Variants in TTC21B observed in about 807,000 individuals in gnomAD.
TTC21B encodes the protein tetratricopeptide repeat protein 21B.
TTC21B carries 127 observed loss-of-function variants against 175.1 expected under a neutral mutation model. That is an observed-to-expected ratio of 0.73 (90% confidence interval 0.63 to 0.84). The LOEUF (loss-of-function observed/expected upper bound fraction) is 0.84, where lower values mean the gene tolerates loss of function less well. Ranked by LOEUF, TTC21B falls within the 40% of genes least tolerant of loss-of-function variation. The pLI is 0.00. For synonymous variants in TTC21B, 524 were observed against 524.5 expected, an observed-to-expected ratio of 1.00 and a Z score of 0.01; for missense variants, 1,561 against 1,558.3, an observed-to-expected ratio of 1.00 and a Z score of -0.03.
At chr2:165,950,149 AT>A (rs1553516745) in intron 1 of TTC21B, among the ~76,000 whole-genome samples, 1 of 151,966 alleles carries the variant, frequency 6.6e-6, no homozygotes, top group Non-Finnish European at 1.5e-5. Context: ...TCTTTTTAAA[AT>A]ATCCAGTATT....
intron 19 of TTC21B, among the ~76,000 whole-genome samples, chr2:165,905,005 C>T (rs991093193): frequency 2.0e-5 from 3 of 152,060 alleles, no homozygotes; most frequent in African/African-American, 4.8e-5. Flanking sequence ...TAGGCAAAAT[C>T]GCTTAAATGA....
intron 6 of TTC21B, among the ~76,000 whole-genome samples, chr2:165,940,018 C>T (rs142046151): frequency 2.0e-5 from 3 of 152,292 alleles, no homozygotes; most frequent in Non-Finnish European, 4.4e-5. Flanking sequence ...ATAGCACTTC[C>T]TATGAGCCAG....
At chr2:165,908,029 A>T (rs746036282) in intron 18 of TTC21B, among the ~76,000 whole-genome samples, 2 of 152,170 alleles carry the variant, frequency 1.3e-5, no homozygotes, top group Admixed American at 6.5e-5. Flanking sequence ...TTTCTTAGAC[A>T]TATATTAGGA....
In TTC21B at chr2:165,883,786, T is replaced by G. The variant is rs373955678; in HGVS notation, c.3684+8A>C. 2.5e-6 allele frequency: 4 copies of G among 1,606,748 alleles called. No homozygotes were observed. The highest frequency in any genetic ancestry group is 1.7e-6 in the Non-Finnish European group (2 of 1,173,448). On this transcript the variant is annotated splice_region_variant and intron_variant, in intron 26 of 28. Transcript: ENST00000243344. Reference sequence around the variant, plus strand: ...TCAATAATTATTTTTTACTCTTCAATCACCTACTCTATTATGACGCAGGCA... The same window carrying G: ...TCAATAATTATTTTTTACTCTTCAAGCACCTACTCTATTATGACGCAGGCA...
chr2:165,941,622 C>T (rs889712467), intron 5 of TTC21B, among the ~76,000 whole-genome samples: 29 of 151,948 alleles, frequency 1.9e-4, no homozygotes, highest in African/African-American at 6.3e-4. Context: ...AAGCAAAATA[C>T]AGTTCAAACA....
chr2:165,932,918 T>G (rs1180265127), intron 7 of TTC21B, 55 bp downstream of exon 7: 38 of 1,446,812 alleles, frequency 2.6e-5, no homozygotes, highest in Non-Finnish European at 3.4e-5. Flanking sequence ...GGTGTGTATG[T>G]GTAATGAAAT....
intron 5 of TTC21B, among the ~76,000 whole-genome samples, chr2:165,942,065 A>C (rs1038717285): frequency 5.3e-5 from 8 of 152,208 alleles, no homozygotes; most frequent in African/African-American, 1.9e-4. Flanking sequence ...TAAGAGAAGG[A>C]AAATGATCAA....
chr2:165,946,571 C>T (rs1687573844), intron 3 of TTC21B, among the ~76,000 whole-genome samples: 1 of 152,134 alleles, frequency 6.6e-6, no homozygotes, highest in African/African-American at 2.4e-5. Flanking sequence ...GACATGGTGG[C>T]TTACACCTGT....
chr2:165,875,803 C>G lies in TTC21B; in HGVS notation c.3873+362G>C, dbSNP rs183447866. ...CATTTTATTTAACATGTTTCTCCCA[C>G]TGGTCTTTGTCTTTTTTTTTTTTTA... On this transcript the variant is annotated intron_variant, in intron 28 of 28. Transcript: ENST00000243344. Among the ~76,000 whole-genome samples the G allele has an allele frequency of 1.1e-3, 169 of 150,032 alleles. 3 individuals are homozygous for G. The East Asian group carries it at 0.03, about 27-fold the overall frequency.
At chr2:165,921,508 T>A (rs1351785578) in intron 12 of TTC21B, among the ~76,000 whole-genome samples, 3 of 152,214 alleles carry the variant, frequency 2.0e-5, no homozygotes, top group Non-Finnish European at 4.4e-5. Context: ...TCAAGTCTAG[T>A]GCTTTCTTGA....
intron 5 of TTC21B, among the ~76,000 whole-genome samples, chr2:165,942,168 C>T (rs1035162584): frequency 1.3e-5 from 2 of 152,102 alleles, no homozygotes; most frequent in African/African-American, 4.8e-5. Context: ...GCTTACTGTC[C>T]ACACAAAGTG....
rs768073526 is a variant in TTC21B at position 165,949,504 on chromosome 2, C to T, written c.152G>A (p.Gly51Asp). The T allele has an allele frequency of 3.9e-5, 63 of 1,613,084 alleles. No homozygotes were observed. Among genetic ancestry groups the T allele is most frequent in the Non-Finnish European group, 4.9e-5 (58 of 1,179,404 alleles). The change falls in exon 3 of 29, where the codon GGT (glycine) becomes GAT (aspartate). Residue 51 changes from glycine (G) to aspartate (D), a missense_variant and splice_region_variant. By Grantham distance (94) the Gly-to-Asp change is moderately conservative (BLOSUM62 -1). Transcript: ENST00000243344. ...FYHAYGTLMEGKTQEALREFE... is the reference protein window; with the variant it reads ...FYHAYGTLMEDKTQEALREFE... ...TTCTCGAAGAGCTTCTTGAGTTTTA[C>T]CTGAAAATCAAGATTATGATATGAA...
chr2:165,882,191 T>C (rs1684861069), intron 26 of TTC21B, among the ~76,000 whole-genome samples: 1 of 152,210 alleles, frequency 6.6e-6, no homozygotes, highest in African/African-American at 2.4e-5. Context: ...TTTATCAGGG[T>C]TGAAAAATGG....
At chr2:165,943,604 T>C (rs1053744528) in intron 4 of TTC21B, among the ~76,000 whole-genome samples, 2 of 152,184 alleles carry the variant, frequency 1.3e-5, no homozygotes, top group Admixed American at 6.5e-5. Flanking sequence ...ATTCCATTAG[T>C]GTTAAAACCA....
intron 19 of TTC21B, among the ~76,000 whole-genome samples, chr2:165,904,290 G>C (rs1291593297): frequency 6.6e-6 from 1 of 152,042 alleles, no homozygotes; most frequent in Admixed American, 6.6e-5. Context: ...AATAATTAAG[G>C]ATAAGATATT....
At chr2:165,915,895 A>T (rs1686152920) in intron 14 of TTC21B, among the ~76,000 whole-genome samples, 1 of 152,234 alleles carries the variant, frequency 6.6e-6, no homozygotes, top group Non-Finnish European at 1.5e-5. Flanking sequence ...AACTTCAGAG[A>T]TTATAAGAAT....
At position 165,874,832 on chromosome 2, in the gene TTC21B, C is replaced by G. The variant is rs749680878; in HGVS notation, c.3874G>C (p.Val1292Leu). The change falls in exon 29 of 29, where the codon GTT becomes CTT. Residue 1292 changes from valine to leucine, a missense_variant and splice_region_variant. By Grantham distance (32) the Val-to-Leu change is conservative (BLOSUM62 1). Coordinates refer to ENST00000243344, the MANE Select transcript of TTC21B (RefSeq NM_024753.5). ...GGATAAGTTGGATGTGCTTCAAGAA[C>G]CTGCAAAACAAATAAAGAACCCATA... ...YVDSIDICHQ[V>L]LEAHPTYPKI... 1.2e-6 allele frequency: 2 copies of G among 1,613,356 alleles called. No homozygotes were observed. The highest frequency in any genetic ancestry group is 2.2e-5 in the South Asian group (2 of 91,048).
In TTC21B at chr2:165,930,257, C is replaced by A. The variant is rs1339584909; in HGVS notation, c.1002G>T (p.Met334Ile). 6.2e-7 allele frequency: 1 copy of A among 1,613,150 alleles called. No homozygotes were observed. Among genetic ancestry groups the A allele is most frequent in the Non-Finnish European group, 8.5e-7 (1 of 1,179,460 alleles). Residue 334 changes from methionine to isoleucine, a missense_variant, in exon 9 of 29, where the codon ATG becomes ATT. Met to Ile is a conservative substitution (Grantham distance 10). Coordinates refer to ENST00000243344, the MANE Select transcript of TTC21B (RefSeq NM_024753.5). The stretch of plus-strand genomic sequence containing the variant: ...CCTCTTTAACTCTTCCTTGTAAAAT[C>A]ATTTGGTATCCAAGTTCTGTAGCAA... ...SEFATELGYQ[M>I]ILQGRVKEAL...
intron 11 of TTC21B, among the ~76,000 whole-genome samples, chr2:165,926,243 T>C (rs1309670452): frequency 1.3e-5 from 2 of 152,204 alleles, no homozygotes; most frequent in Non-Finnish European, 2.9e-5. Flanking sequence ...TACCACTTAA[T>C]GCATGATTTC....
Sources: allele counts gnomAD v4.1 joint callset (sites outside exome capture counted in the v4.1 genomes callset), GRCh38; gene constraint gnomAD v4.1.1; transcripts MANE v1.5; gene names NCBI Gene and HGNC (gene_info 2026-07-23, HGNC 2026-07-21).